PCDHGA7: variants seen among roughly 807,000 people sequenced by gnomAD.
PCDHGA7 encodes the protein protocadherin gamma-A7.
In PCDHGA7, 44 loss-of-function variants were observed where a neutral mutation model predicts 58.3. The ratio of observed to expected loss-of-function variants is 0.75; its 90% CI spans 0.59 to 0.97. PCDHGA7 has a LOEUF of 0.97. Among genes scored for constraint, PCDHGA7 ranks in the 50% least tolerant of loss-of-function variants. The pLI is 0.00. For synonymous variants in PCDHGA7, 516 were observed against 504.2 expected (o/e 1.02, Z -0.31); for missense variants, 1,266 against 1,188.7 (o/e 1.06, Z -0.96).
intron 2 of PCDHGA7, among the ~76,000 whole-genome samples, chr5:141,503,518 G>A (rs576791899): frequency 6.7e-6 from 1 of 149,524 alleles, no homozygotes; most frequent in East Asian, 2.0e-4. Flanking sequence ...AGAATCACTT[G>A]AACCTGGGAG....
In PCDHGA7 at chr5:141,487,186, A is replaced by G; in HGVS notation, c.2425-7621A>G. 4 of 1,613,760 alleles carry G rather than the reference A, an allele frequency of 2.5e-6. No individual in the cohort carries two copies. The highest frequency in any genetic ancestry group is 2.5e-6 in the Non-Finnish European group (3 of 1,179,662). ...TGTCCTTAGAGGAAGACACTCATCC[A>G]GTTGTCCCAGATCTTCGAGAATCTT... is the stretch of plus-strand genomic sequence containing the variant. On this transcript the variant is annotated intron_variant, in intron 1 of 3. Coordinates refer to ENST00000518325, the MANE Select transcript of PCDHGA7 (RefSeq NM_018920.4). This position sits in a 1 kb window ranked among gnomAD's most constrained non-coding sequence, Gnocchi z 5.0.
At chr5:141,440,155 A>C (rs1250255277) in intron 1 of PCDHGA7, 1 of 152,238 alleles carries the variant, frequency 6.6e-6, no homozygotes, top group Non-Finnish European at 1.5e-5. Flanking sequence ...CCCCAATTAT[A>C]GCTTGGGCCA....
At chr5:141,428,122 G>T in intron 1 of PCDHGA7, 1 of 1,606,172 alleles carries the variant, frequency 6.2e-7, no homozygotes, top group Non-Finnish European at 8.5e-7. Flanking sequence ...ATCGAGCCCG[G>T]GCTTTTCAGC....
chr5:141,388,583 T>G, intron 1 of PCDHGA7: 1 of 1,613,894 alleles, frequency 6.2e-7, no homozygotes, highest in Non-Finnish European at 8.5e-7. Flanking sequence ...TTCTAGTGAC[T>G]GATGCCAATG....
chr5:141,400,709 G>A (rs1361669405), intron 1 of PCDHGA7: 1 of 696,272 alleles, frequency 1.4e-6, no homozygotes, highest in East Asian at 2.7e-5. Flanking sequence ...AAAAGAAGTA[G>A]CCTTATAGAT....
chr5:141,428,222 C>A, intron 1 of PCDHGA7: 1 of 1,173,442 alleles, frequency 8.5e-7, no homozygotes, highest in Non-Finnish European at 1.2e-6. Flanking sequence ...CTAGTCTTCG[C>A]AGACAGCCTG....
chr5:141,474,981 G>A (rs1336399018), intron 1 of PCDHGA7, among the ~76,000 whole-genome samples: 1 of 152,126 alleles, frequency 6.6e-6, no homozygotes, highest in African/African-American at 2.4e-5. Context: ...ATTTTGTTTG[G>A]TGACAACAAT....
intron 2 of PCDHGA7, among the ~76,000 whole-genome samples, chr5:141,499,689 CTTTTTT>C (rs545067566): frequency 3.3e-5 from 4 of 119,854 alleles, no homozygotes; most frequent in Admixed American, 8.7e-5. Flanking sequence ...TAACAGATGA[CTTTTTT>C]TTTTTTTTTT....
Position 141,484,782 on chromosome 5 carries a change from C to A in PCDHGA7, c.2425-10025C>A, listed in dbSNP as rs572593816. 2.0e-5 allele frequency among the ~76,000 whole-genome samples: 3 copies of A among 152,066 alleles called. No homozygotes were observed. In the South Asian group the frequency reaches 6.3e-4, roughly 32 times the overall value. On this transcript the variant is annotated intron_variant, in intron 1 of 3. Transcript: ENST00000518325. Reference sequence around the variant, plus strand: ...TATATATATGTTGTCTGCCTCCCCACAGAGATAACAACCCGTGGAAAAACA... The same window carrying A: ...TATATATATGTTGTCTGCCTCCCCAAAGAGATAACAACCCGTGGAAAAACA...
At chr5:141,398,254 A>C (rs868152545) in intron 1 of PCDHGA7, 1 of 1,465,852 alleles carries the variant, frequency 6.8e-7, no homozygotes, top group East Asian at 2.5e-5. Context: ...GGAAATGCCC[A>C]AGGGCTCCGT....
At chr5:141,471,309 C>T (rs140651182) in intron 1 of PCDHGA7, 8,212 of 152,202 alleles carry the variant, frequency 0.054, 462 homozygotes, top group African/African-American at 0.15. Flanking sequence ...ACTCGGCCTC[C>T]CAAAGTGCTG....
chr5:141,485,654 G>A lies in PCDHGA7; in HGVS notation c.2425-9153G>A, dbSNP rs2099617203. 6.2e-7 allele frequency: 1 copy of A among 1,612,482 alleles called. No individual in the cohort carries two copies. The highest frequency in any genetic ancestry group is 8.5e-7 in the Non-Finnish European group (1 of 1,178,842). On this transcript the variant is annotated intron_variant, in intron 1 of 3. Coordinates refer to ENST00000518325, the MANE Select transcript of PCDHGA7 (RefSeq NM_018920.4). The surrounding 1 kb of genome is among the most constrained non-coding windows in gnomAD (Gnocchi z 5.7). ...CCCGTTGGAAAAGGCTCAGGATGCA[G>A]ATGTGGGGAGCAATTCGATTAGCAG... is the stretch of plus-strand genomic sequence containing the variant.
chr5:141,461,830 CT>C (rs1030113508), intron 1 of PCDHGA7, among the ~76,000 whole-genome samples: 30 of 145,198 alleles, frequency 2.1e-4, no homozygotes, highest in Non-Finnish European at 2.4e-4. Flanking sequence ...ATTTTTTTTT[CT>C]TTTTTTTTTG....
intron 1 of PCDHGA7, chr5:141,440,087 A>C (rs1014881024): frequency 6.6e-6 from 1 of 152,316 alleles, no homozygotes; most frequent in African/African-American, 2.4e-5. Context: ...CTTCATTCTA[A>C]GTGGGGAAAG....
chr5:141,416,016 G>C (rs190922355), intron 1 of PCDHGA7: 29 of 227,390 alleles, frequency 1.3e-4, no homozygotes, highest in Non-Finnish European at 2.2e-4. Context: ...GAATAGGTAA[G>C]TATCAGAAAG....
intron 1 of PCDHGA7, among the ~76,000 whole-genome samples, chr5:141,451,719 TA>T (rs2098722539): frequency 6.6e-6 from 1 of 152,016 alleles, no homozygotes; most frequent in Non-Finnish European, 1.5e-5. Flanking sequence ...CTGCCTCTAC[TA>T]AAAATACAAA....
At chr5:141,389,755 T>C in intron 1 of PCDHGA7, 1 of 1,612,872 alleles carries the variant, frequency 6.2e-7, no homozygotes, top group African/African-American at 1.3e-5. Context: ...ACGGGCGAAG[T>C]GCGCACAGCG....
At chr5:141,423,042 G>A in intron 1 of PCDHGA7, 1 of 1,614,220 alleles carries the variant, frequency 6.2e-7, no homozygotes, top group Non-Finnish European at 8.5e-7. Context: ...ACGCCTGGCT[G>A]TCCTATCGCC....
chr5:141,470,748 A>C (rs1163686396), intron 1 of PCDHGA7, among the ~76,000 whole-genome samples: 1 of 152,106 alleles, frequency 6.6e-6, no homozygotes. Flanking sequence ...CCCTGGCTGG[A>C]GTGCAGTGGA....
Sources: allele counts gnomAD v4.1 joint callset (sites outside exome capture counted in the v4.1 genomes callset), GRCh38; gene constraint gnomAD v4.1.1; non-coding constraint Gnocchi (gnomAD v3.1); transcripts MANE v1.5; gene names NCBI Gene and HGNC (gene_info 2026-07-23, HGNC 2026-07-21).